Variants in RABGAP1L observed in about 807,000 individuals in gnomAD.
RABGAP1L encodes rab GTPase-activating protein 1-like.
Under a neutral mutation model 137.7 loss-of-function variants are expected in RABGAP1L, and 63 were observed. The ratio of observed to expected loss-of-function variants is 0.46; its 90% CI spans 0.37 to 0.56. The LOEUF (loss-of-function observed/expected upper bound fraction) is 0.56. Among genes scored for constraint, RABGAP1L ranks in the 20% least tolerant of loss-of-function variants. The pLI is 0.00. For synonymous variants in RABGAP1L, 431 were observed against 433.7 expected, an observed-to-expected ratio of 0.99 and a Z score of 0.08; for missense variants, 1,095 against 1,244.0, an observed-to-expected ratio of 0.88 and a Z score of 1.80.
In RABGAP1L at chr1:174,833,959, A is replaced by G. The variant is rs990211538; in HGVS notation, c.2340+21999A>G. Among the ~76,000 whole-genome samples the G allele has an allele frequency of 2.0e-5, 3 of 152,340 alleles. No individual in the cohort carries two copies. The East Asian group carries it at 5.8e-4, about 29-fold the overall frequency. On this transcript the variant is annotated intron_variant, in intron 19 of 25. Transcript: ENST00000681986. The stretch of plus-strand genomic sequence containing the variant: ...ACCAATAGGAGCTAACCAGCTAAAG[A>G]GGAATAATTAAGTATGCTTTTAGAG...
At chr1:174,870,819 G>T (rs1652059436) in intron 19 of RABGAP1L, among the ~76,000 whole-genome samples, 2 of 149,908 alleles carry the variant, frequency 1.3e-5, no homozygotes, top group African/African-American at 2.5e-5. Context: ...CTTACTGCAA[G>T]CTCCACCTTC....
intron 17 of RABGAP1L, among the ~76,000 whole-genome samples, chr1:174,733,164 A>G (rs1682648779): frequency 6.6e-6 from 1 of 152,212 alleles, no homozygotes; most frequent in Non-Finnish European, 1.5e-5. Context: ...CCAAAAAAGA[A>G]TAAAAGGAGG....
intron 13 of RABGAP1L, among the ~76,000 whole-genome samples, chr1:174,578,635 TAA>T (rs1296215527): frequency 3.9e-5 from 6 of 152,182 alleles, no homozygotes; most frequent in Non-Finnish European, 8.8e-5. Context: ...AGGTTAATTT[TAA>T]CAAAATATAA....
intron 19 of RABGAP1L, among the ~76,000 whole-genome samples, chr1:174,822,471 C>T (rs1691134499): frequency 6.6e-6 from 1 of 152,196 alleles, no homozygotes; most frequent in African/African-American, 2.4e-5. Flanking sequence ...GTCAGAGCTC[C>T]AGATGCTTAG....
intron 13 of RABGAP1L, among the ~76,000 whole-genome samples, chr1:174,607,116 A>G (rs1670850788): frequency 6.6e-6 from 1 of 152,192 alleles, no homozygotes. Context: ...TAATATCAGT[A>G]TGTTCAATGC....
chr1:174,307,088 T>C (rs1031065566), intron 11 of RABGAP1L, among the ~76,000 whole-genome samples: 4 of 152,112 alleles, frequency 2.6e-5, no homozygotes, highest in Admixed American at 2.0e-4. Flanking sequence ...TACAATCCCA[T>C]GAATACTCTT....
At chr1:174,570,928 A>G (rs1316583504) in intron 13 of RABGAP1L, among the ~76,000 whole-genome samples, 1 of 152,224 alleles carries the variant, frequency 6.6e-6, no homozygotes, top group East Asian at 1.9e-4. Context: ...GTATATACCC[A>G]AAAGAAAGGA....
intron 13 of RABGAP1L, among the ~76,000 whole-genome samples, chr1:174,606,283 A>C (rs1367207673): frequency 6.6e-6 from 1 of 152,152 alleles, no homozygotes; most frequent in African/African-American, 2.4e-5. Context: ...GCAACTCATA[A>C]ATTTTGATTT....
At chr1:174,566,048 C>T (rs916029745) in intron 13 of RABGAP1L, among the ~76,000 whole-genome samples, 2 of 152,048 alleles carry the variant, frequency 1.3e-5, no homozygotes, top group Non-Finnish European at 2.9e-5. Context: ...GCCACCACAT[C>T]CAGCTAATTT....
At chr1:174,170,564 G>T (rs974115319) in intron 1 of RABGAP1L, among the ~76,000 whole-genome samples, 1 of 151,358 alleles carries the variant, frequency 6.6e-6, no homozygotes, top group Non-Finnish European at 1.5e-5. Flanking sequence ...AATCCCAGCT[G>T]CTCGGGAGGC....
chr1:174,554,391 T>G (rs1292588814), intron 13 of RABGAP1L, among the ~76,000 whole-genome samples: 1 of 152,206 alleles, frequency 6.6e-6, no homozygotes, highest in African/African-American at 2.4e-5. Flanking sequence ...CATAATTAGG[T>G]TAAATTTTCC....
At chr1:174,832,440 A>G (rs912155738) in intron 19 of RABGAP1L, among the ~76,000 whole-genome samples, 2 of 148,364 alleles carry the variant, frequency 1.3e-5, no homozygotes, top group African/African-American at 2.5e-5. Flanking sequence ...GCTGCTGTCA[A>G]AAGGTGCACA....
intron 18 of RABGAP1L, among the ~76,000 whole-genome samples, chr1:174,757,577 AAAAC>A (rs1197208491): frequency 6.7e-6 from 1 of 149,500 alleles, no homozygotes; most frequent in East Asian, 1.9e-4. Flanking sequence ...ATATAAATGT[AAAAC>A]AAAGCAATTT....
At chr1:174,701,042 AAG>A (rs1269254985) in intron 16 of RABGAP1L, 2 of 1,297,876 alleles carry the variant, frequency 1.5e-6, no homozygotes, top group African/African-American at 3.1e-5. Context: ...CTATTTTTCA[AAG>A]AGAGCATGTA....
intron 14 of RABGAP1L, among the ~76,000 whole-genome samples, chr1:174,665,037 C>T (rs547949448): frequency 2.0e-5 from 3 of 152,142 alleles, no homozygotes; most frequent in South Asian, 4.1e-4. Flanking sequence ...GCCCAGCCGA[C>T]GATGGTTATT....
intron 3 of RABGAP1L, among the ~76,000 whole-genome samples, chr1:174,223,123 C>G (rs772112115): frequency 6.6e-6 from 1 of 151,752 alleles, no homozygotes; most frequent in Non-Finnish European, 1.5e-5. Context: ...CAAAAATTAA[C>G]TGGGTGTGGC....
intron 18 of RABGAP1L, among the ~76,000 whole-genome samples, chr1:174,765,632 A>T (rs1031933220): frequency 6.6e-6 from 1 of 150,794 alleles, no homozygotes; most frequent in Admixed American, 6.6e-5. Context: ...GGGTCTTACT[A>T]TGTTGCCCAG....
intron 13 of RABGAP1L, among the ~76,000 whole-genome samples, chr1:174,540,237 G>T (rs1304165632): frequency 6.6e-6 from 1 of 152,216 alleles, no homozygotes; most frequent in Non-Finnish European, 1.5e-5. Context: ...CTCCCATTCT[G>T]TAGGTTGCCT....
chr1:174,166,904 C>G (rs1181501849), intron 1 of RABGAP1L, among the ~76,000 whole-genome samples: 1 of 152,168 alleles, frequency 6.6e-6, no homozygotes, highest in Admixed American at 6.5e-5. Flanking sequence ...TAGTAAATAA[C>G]TACTTGGTTG....
Sources: allele counts gnomAD v4.1 joint callset (sites outside exome capture counted in the v4.1 genomes callset), GRCh38; gene constraint gnomAD v4.1.1; transcripts MANE v1.5; gene names NCBI Gene and HGNC (gene_info 2026-07-23, HGNC 2026-07-21).